The following EOGT variants were observed in gnomAD, a reference collection of about 807,000 sequenced individuals.
EOGT encodes the protein EGF domain-specific O-linked N-acetylglucosamine transferase.
A neutral mutation model predicts 70.5 loss-of-function variants in EOGT; 55 were observed. That is an observed-to-expected ratio of 0.78 (90% CI 0.63 to 0.98). The LOEUF (loss-of-function observed/expected upper bound fraction) is 0.98. Ranked by LOEUF, EOGT falls within the 50% of genes least tolerant of loss-of-function variation. EOGT has a pLI of 0.00. For missense variants in EOGT, 703 were observed against 641.9 expected (o/e 1.10, Z -1.03); for synonymous variants, 246 against 217.1 (o/e 1.13, Z -1.17).
chr3:68,980,831 C>T (rs1260590752), intron 15 of EOGT, among the ~76,000 whole-genome samples: 1 of 152,226 alleles, frequency 6.6e-6, no homozygotes, highest in African/African-American at 2.4e-5. Context: ...TCAGCACTCA[C>T]CAATCCCCAT....
rs1344920853 is a variant in EOGT at position 69,001,702 on chromosome 3, T to C, written c.633A>G (p.Leu211=). The part of the protein sequence containing the change: ...KSPLQSWFAE[L]QSYTQLNFRP... ...TGAAGTTGAGCTGAGTATAGCTTTG[T>C]AGCTCAGCAAACCTGAAATTATGAA... is the stretch of plus-strand genomic sequence containing the variant. The change falls in exon 9 of 18, where the codon CTA becomes CTG. Residue 211 remains leucine (L), a synonymous_variant. Coordinates refer to ENST00000383701, the MANE Select transcript of EOGT (RefSeq NM_001278689.2). 1 of 1,608,882 alleles carries C rather than the reference T, an allele frequency of 6.2e-7. No individual in the cohort carries two copies. The highest frequency in any genetic ancestry group is 1.3e-5 in the African/African-American group (1 of 74,798).
intron 6 of EOGT, among the ~76,000 whole-genome samples, chr3:69,006,216 T>C (rs961743910): frequency 1.3e-5 from 2 of 152,162 alleles, no homozygotes; most frequent in African/African-American, 4.8e-5. Flanking sequence ...GCCCTTTCCA[T>C]GTGAACAGCT....
chr3:69,005,069 A>C (rs2091404210), intron 7 of EOGT, 71 bp downstream of exon 7: 6 of 954,956 alleles, frequency 6.3e-6, no homozygotes, highest in Non-Finnish European at 9.5e-6. Context: ...CTCAAAAAAA[A>C]AAAAAAAAAT....
intron 3 of EOGT, among the ~76,000 whole-genome samples, chr3:69,011,022 G>A (rs918883686): frequency 6.6e-6 from 1 of 152,030 alleles, no homozygotes; most frequent in South Asian, 2.1e-4. Context: ...CAAAGACTGT[G>A]CCCTTAAGCT....
intron 9 of EOGT, among the ~76,000 whole-genome samples, chr3:68,999,204 A>T (rs549829365): frequency 6.6e-6 from 1 of 152,220 alleles, no homozygotes; most frequent in Non-Finnish European, 1.5e-5. Context: ...AAGATAATAC[A>T]TCTTAAAGTA....
intron 14 of EOGT, among the ~76,000 whole-genome samples, chr3:68,984,621 T>C (rs1347277870): frequency 6.6e-6 from 1 of 152,170 alleles, no homozygotes; most frequent in Non-Finnish European, 1.5e-5. Flanking sequence ...GCTGCCTTTC[T>C]AGTAACATCC....
At chr3:69,009,924 C>CAAAAA (rs1313275602) in intron 3 of EOGT, 64 bp from the exon 4 acceptor site, 1 of 563,114 alleles carries the variant, frequency 1.8e-6, no homozygotes, top group South Asian at 2.6e-5. Flanking sequence ...ACAACAACAA[C>CAAAAA]AACAACAACA....
Position 69,013,590 on chromosome 3 carries a change from C to G in EOGT, c.-372G>C, listed in dbSNP as rs528250315. ...GAGTCCCACCTGGAGCCGGGGCAGC[C>G]GTGAACTACCGAGGAGGAGGCGGAG... is the stretch of plus-strand genomic sequence containing the variant. On this transcript the variant is annotated 5_prime_UTR_variant, in exon 1 of 18. Transcript: ENST00000383701. 1.3e-5 allele frequency: 2 copies of G among 154,024 alleles called. No homozygotes were observed. The highest frequency in any genetic ancestry group is 4.9e-5 in the African/African-American group (2 of 41,126). 9.5% of individuals were successfully genotyped at this position (154,024 alleles called of 1,614,324 possible).
intron 17 of EOGT, 68 bp downstream of exon 17, chr3:68,978,265 A>C: frequency 8.9e-7 from 1 of 1,120,766 alleles, no homozygotes; most frequent in Admixed American, 2.0e-5. Context: ...ACCATTTTTC[A>C]TATCAATAAT....
intron 17 of EOGT, 104 bp downstream of exon 17, chr3:68,978,229 T>C (rs2090527268): frequency 1.2e-6 from 1 of 837,938 alleles, no homozygotes; most frequent in Non-Finnish European, 1.9e-6. Flanking sequence ...GAGAACAGTT[T>C]ATCTTTGCAG....
Position 68,978,385 on chromosome 3 carries a change from C to T in EOGT, c.1385G>A (p.Gly462Asp), listed in dbSNP as rs1390160816. The T allele has an allele frequency of 6.2e-7, 1 of 1,612,896 alleles. No homozygotes were observed. Among genetic ancestry groups the T allele is most frequent in the Non-Finnish European group, 8.5e-7 (1 of 1,179,546 alleles). Residue 462 changes from glycine to aspartate, a missense_variant, in exon 17 of 18, where the codon GGC (glycine) becomes GAC (aspartate). Coordinates refer to ENST00000383701, the MANE Select transcript of EOGT (RefSeq NM_001278689.2). ...CCGTCGCCAAGTGATGTAGTGAACG[C>T]CTCTCAGCCTGGCCAAGTCTAAGTA... ...RCYLDLARLR[G>D]VHYITWRRQN... is the part of the protein sequence containing the mutation.
At chr3:69,006,826 G>C (rs1479834629) in intron 6 of EOGT, among the ~76,000 whole-genome samples, 1 of 152,176 alleles carries the variant, frequency 6.6e-6, no homozygotes, top group East Asian at 1.9e-4. Context: ...AAAAAAACCT[G>C]CATTTTAATC....
chr3:68,986,947 T>A (rs1387511373), intron 14 of EOGT, among the ~76,000 whole-genome samples: 1 of 152,194 alleles, frequency 6.6e-6, no homozygotes, highest in African/African-American at 2.4e-5. Context: ...GTAGTGGCCT[T>A]GCATGGTGAT....
chr3:68,982,056 G>A (rs933892749), intron 15 of EOGT, among the ~76,000 whole-genome samples: 1 of 151,968 alleles, frequency 6.6e-6, no homozygotes, highest in African/African-American at 2.4e-5. Flanking sequence ...ACAGGCACAC[G>A]CTGCCACACT....
At position 69,005,120 on chromosome 3, in the gene EOGT, A is replaced by G. The variant is rs1198652613; in HGVS notation, c.515+20T>C. 7.5e-7 allele frequency: 1 copy of G among 1,339,400 alleles called. No homozygotes were observed. Among genetic ancestry groups the G allele is most frequent in the Non-Finnish European group, 1.0e-6 (1 of 953,226 alleles). 83.0% of individuals were successfully genotyped at this position (1,339,400 alleles called of 1,614,324 possible). A position where few individuals can be genotyped will look rare whatever the true frequency, so the allele number is the denominator to read the frequency against. On this transcript the variant is annotated intron_variant, in intron 7 of 17. Transcript: ENST00000383701. Reference sequence around the variant, plus strand: ...TATTTCAGAATTTATACTAGATGTTAACATTAACCACTAAAGTACCTGTCA... The same window carrying G: ...TATTTCAGAATTTATACTAGATGTTGACATTAACCACTAAAGTACCTGTCA...
At chr3:68,988,654 A>G in intron 11 of EOGT, 77 bp from the exon 12 acceptor site, 1 of 841,536 alleles carries the variant, frequency 1.2e-6, no homozygotes, top group Non-Finnish European at 1.8e-6. Flanking sequence ...ATTTTGAGAA[A>G]TAGATTTTAA....
Position 68,975,524 on chromosome 3 carries a change from C to A in EOGT, c.*2094G>T, listed in dbSNP as rs1362004964. ...TGCTTCTTAAAATGAGGTAAGAAGA[C>A]AAACGGTGAAACTTTTTTCAGATCA... On this transcript the variant is annotated 3_prime_UTR_variant, in exon 18 of 18. Coordinates refer to ENST00000383701, the MANE Select transcript of EOGT (RefSeq NM_001278689.2). The A allele has an allele frequency of 6.9e-6, 1 of 145,606 alleles. No homozygotes were observed. The highest frequency in any genetic ancestry group is 1.5e-5 in the Non-Finnish European group (1 of 66,908). 9.0% of individuals were successfully genotyped at this position (145,606 alleles called of 1,614,324 possible).
In EOGT at chr3:68,977,325, A is replaced by G. The variant is rs1440003578; in HGVS notation, c.*293T>C. ...TGGGTGACAGTGAGACTCTGTCTCC[A>G]AAAAAAAAAAAAGAAAGAAAGAAAG... On this transcript the variant is annotated 3_prime_UTR_variant, in exon 18 of 18. Coordinates refer to ENST00000383701, the MANE Select transcript of EOGT (RefSeq NM_001278689.2). 2 of 121,782 alleles carry G rather than the reference A, an allele frequency of 1.6e-5. No homozygotes were observed. Among genetic ancestry groups the G allele is most frequent in the African/African-American group, 5.7e-5 (1 of 17,518 alleles). The allele number at this position is 121,782 out of a possible 1,614,324, so 7.5% of individuals were successfully genotyped here.
In EOGT at chr3:68,977,379, AT is replaced by A. The variant is rs1272127045; in HGVS notation, c.*238del. On this transcript the variant is annotated 3_prime_UTR_variant, in exon 18 of 18. Transcript: ENST00000383701. ...AAGTATACTGGGGAGTCCATGCTTAATTTTTGAACTATAAAAAGTTTTCAGT... is the reference window on the plus strand; with the variant it reads ...AAGTATACTGGGGAGTCCATGCTTAATTTTGAACTATAAAAAGTTTTCAGT... 6.9e-6 allele frequency: 3 copies of A among 432,820 alleles called. No homozygotes were observed. Among genetic ancestry groups the A allele is most frequent in the Non-Finnish European group, 1.2e-5 (3 of 247,046 alleles). 26.8% of individuals were successfully genotyped at this position (432,820 alleles called of 1,614,324 possible).
Sources: allele counts gnomAD v4.1 joint callset (sites outside exome capture counted in the v4.1 genomes callset), GRCh38; gene constraint gnomAD v4.1.1; transcripts MANE v1.5; gene names NCBI Gene and HGNC (gene_info 2026-07-23, HGNC 2026-07-21).